The following DOK5 variants were observed in gnomAD, a reference collection of about 807,000 sequenced individuals.
DOK5 encodes downstream of tyrosine kinase 5.
Under a neutral mutation model 43.3 loss-of-function variants are expected in DOK5, and 27 were observed. The observed-to-expected ratio is 0.62, with a 90% CI of 0.46 to 0.86. The LOEUF (loss-of-function observed/expected upper bound fraction) is 0.86, where lower values mean the gene tolerates loss of function less well. Among genes scored for constraint, DOK5 ranks in the 40% least tolerant of loss-of-function variants. The pLI is 0.00. For missense variants in DOK5, 373 were observed against 392.9 expected (o/e 0.95, Z 0.43); for synonymous variants, 146 against 140.1 (o/e 1.04, Z -0.30).
rs148201917 is a variant in DOK5, at chr20:54,650,441, C to G, written c.883C>G (p.Arg295Gly). Residue 295 changes from arginine (R) to glycine (G), a missense_variant, in exon 8 of 8, where the codon CGA becomes GGA. By Grantham distance (125) the Arg-to-Gly change is moderately radical. Transcript: ENST00000262593. ...QDVSSPLKLH[R>G]TETFPAYRSE... ...TGTTTCCAGCCCTCTGAAGCTTCATCGAACAGAGACTTTTCCAGCCTACAG... is the reference window on the plus strand; with the variant it reads ...TGTTTCCAGCCCTCTGAAGCTTCATGGAACAGAGACTTTTCCAGCCTACAG... 1.2e-6 allele frequency: 2 copies of G among 1,613,982 alleles called. No individual in the cohort carries two copies. The highest frequency in any genetic ancestry group is 2.2e-5 in the East Asian group (1 of 44,870).
chr20:54,604,391 T>C (rs986126717), intron 5 of DOK5, among the ~76,000 whole-genome samples: 3 of 152,084 alleles, frequency 2.0e-5, no homozygotes, highest in African/African-American at 7.2e-5. Flanking sequence ...CAGATTTTCA[T>C]TTTCCCAACG....
chr20:54,634,437 CTTTTTTTTTTTTT>C (rs11470013), intron 6 of DOK5, among the ~76,000 whole-genome samples: 1 of 90,414 alleles, frequency 1.1e-5, no homozygotes, highest in Non-Finnish European at 2.0e-5. Context: ...TCATATCATG[CTTTTTTTTTTTTT>C]TTTTTTTTTG....
At chr20:54,628,576 C>T (rs891766237) in intron 6 of DOK5, among the ~76,000 whole-genome samples, 3 of 152,080 alleles carry the variant, frequency 2.0e-5, no homozygotes, top group African/African-American at 7.2e-5. Flanking sequence ...CTCATCAGCA[C>T]GTGGTTGCCC....
chr20:54,495,854 C>T (rs111727268), intron 1 of DOK5, among the ~76,000 whole-genome samples: 2 of 151,972 alleles, frequency 1.3e-5, no homozygotes, highest in African/African-American at 4.8e-5. Context: ...TGCATTTCAG[C>T]CTGGGCAACA....
chr20:54,475,811 G>T lies in DOK5; in HGVS notation c.-136G>T, dbSNP rs1181226811. The T allele has an allele frequency of 4.8e-6, 5 of 1,050,220 alleles. No individual in the cohort carries two copies. The highest frequency in any genetic ancestry group is 4.4e-5 in the South Asian group (3 of 68,252). 65.1% of individuals were successfully genotyped at this position (1,050,220 alleles called of 1,614,324 possible). Reference sequence around the variant, plus strand: ...AGTGATGTGCGCCTTCTAAAGCCTCGCCCAGCGCCGCCGAAGCAGCTTCAC... The same window carrying T: ...AGTGATGTGCGCCTTCTAAAGCCTCTCCCAGCGCCGCCGAAGCAGCTTCAC... On this transcript the variant is annotated 5_prime_UTR_variant, in exon 1 of 8. Coordinates refer to ENST00000262593, the MANE Select transcript of DOK5 (RefSeq NM_018431.5). This position sits in a 1 kb window ranked among gnomAD's most constrained non-coding sequence, Gnocchi z 4.2.
At chr20:54,501,466 CAAAAAAAAAAAAA>C (rs76224592) in intron 1 of DOK5, among the ~76,000 whole-genome samples, 5 of 19,462 alleles carry the variant, frequency 2.6e-4, no homozygotes, top group South Asian at 3.6e-3. Context: ...GACTCACTCT[CAAAAAAAAAAAAA>C]AAAAAAAAAA....
At chr20:54,604,436 C>A (rs906893466) in intron 5 of DOK5, among the ~76,000 whole-genome samples, 2 of 151,818 alleles carry the variant, frequency 1.3e-5, no homozygotes, top group African/African-American at 4.8e-5. Flanking sequence ...TGTACATTTC[C>A]TTTTTTAATT....
intron 2 of DOK5, among the ~76,000 whole-genome samples, chr20:54,565,230 G>A (rs566113237): frequency 1.8e-4 from 28 of 152,222 alleles, no homozygotes; most frequent in African/African-American, 6.5e-4. Context: ...CTATGATAAA[G>A]TTTAATTCAT....
chr20:54,637,468 CCTG>C (rs1186211592), intron 6 of DOK5, among the ~76,000 whole-genome samples: 1 of 152,198 alleles, frequency 6.6e-6, no homozygotes, highest in African/African-American at 2.4e-5. Context: ...GCTAAACTCC[CCTG>C]CTGTTGGATA....
chr20:54,578,702 A>C (rs1985535179), intron 2 of DOK5, among the ~76,000 whole-genome samples: 1 of 152,156 alleles, frequency 6.6e-6, no homozygotes, highest in Non-Finnish European at 1.5e-5. Flanking sequence ...CCTTTAGAAA[A>C]TTTATAATTG....
intron 1 of DOK5, among the ~76,000 whole-genome samples, chr20:54,496,561 A>G (rs1186695011): frequency 2.0e-5 from 3 of 152,006 alleles, no homozygotes; most frequent in African/African-American, 7.2e-5. Flanking sequence ...AGGTCAGGAG[A>G]TCGAGACCAT....
intron 6 of DOK5, among the ~76,000 whole-genome samples, chr20:54,619,374 A>AT (rs1986914760): frequency 6.6e-6 from 1 of 151,824 alleles, no homozygotes; most frequent in East Asian, 2.0e-4. Context: ...AGCTATAGCT[A>AT]TTTTTGCCAC....
chr20:54,639,880 A>AT (rs964279347), intron 6 of DOK5, among the ~76,000 whole-genome samples: 4 of 152,246 alleles, frequency 2.6e-5, no homozygotes, highest in African/African-American at 9.6e-5. Flanking sequence ...ATTGAAATAA[A>AT]TGTGAGCTAT....
Position 54,647,372 on chromosome 20 carries a change from G to T in DOK5, c.857-3043G>T, listed in dbSNP as rs183482084. On this transcript the variant is annotated intron_variant, in intron 7 of 7. Coordinates refer to ENST00000262593, the MANE Select transcript of DOK5 (RefSeq NM_018431.5). ...ATACAAAAATTAGCTGGGCATGGTGGCGGGCGCCTGTAATTCCAGCTACTC... is the reference window on the plus strand; with the variant it reads ...ATACAAAAATTAGCTGGGCATGGTGTCGGGCGCCTGTAATTCCAGCTACTC... 1.1e-3 allele frequency among the ~76,000 whole-genome samples: 172 copies of T among 152,200 alleles called. 1 individual carries two copies. Among genetic ancestry groups the T allele is most frequent in the African/African-American group, 3.9e-3 (162 of 41,524 alleles).
intron 2 of DOK5, among the ~76,000 whole-genome samples, chr20:54,561,948 C>T (rs1276265700): frequency 3.9e-5 from 6 of 152,046 alleles, no homozygotes; most frequent in Non-Finnish European, 8.8e-5. Context: ...CGAGCCACTG[C>T]GCCTGGCCAC....
rs755176573 is a variant in DOK5, at chr20:54,588,472, T to C, written c.175-11T>C. On this transcript the variant is annotated splice_polypyrimidine_tract_variant and intron_variant, in intron 2 of 7. Transcript: ENST00000262593. ...AGGGAGTGTGTCAAACTTCTAATTG[T>C]TCATTTTCAGGTTACAGAACTCAAT... 1 of 1,611,988 alleles carries C rather than the reference T, an allele frequency of 6.2e-7. No individual in the cohort carries two copies.
At chr20:54,502,518 C>T (rs1190782247) in intron 1 of DOK5, among the ~76,000 whole-genome samples, 2 of 152,094 alleles carry the variant, frequency 1.3e-5, no homozygotes, top group East Asian at 1.9e-4. Context: ...TTCTCTCACC[C>T]GTCTACCCAG....
chr20:54,511,036 A>G (rs940941880), intron 1 of DOK5, among the ~76,000 whole-genome samples: 3 of 152,192 alleles, frequency 2.0e-5, no homozygotes, highest in African/African-American at 7.2e-5. Flanking sequence ...TACGGGCTCA[A>G]TGCTGAGCTA....
intron 2 of DOK5, among the ~76,000 whole-genome samples, chr20:54,563,664 G>GTTTTTTTTTTTTT (rs76886127): frequency 1.7e-5 from 2 of 114,354 alleles, no homozygotes; most frequent in Admixed American, 9.0e-5. Context: ...TATTTGTCAG[G>GTTTTTTTTTTTTT]TTTTTTTTTT....
Sources: allele counts gnomAD v4.1 joint callset (sites outside exome capture counted in the v4.1 genomes callset), GRCh38; gene constraint gnomAD v4.1.1; non-coding constraint Gnocchi (gnomAD v3.1); transcripts MANE v1.5; gene names NCBI Gene and HGNC (gene_info 2026-07-23, HGNC 2026-07-21).